Variants in RAD51AP2 observed in about 807,000 individuals in gnomAD.
The protein encoded by RAD51AP2 is RAD51 associated protein 2, also known as RAD51-associated protein 2.
RAD51AP2 carries 67 observed loss-of-function variants against 85.5 expected under a neutral mutation model. That is an observed-to-expected ratio of 0.78 (90% CI 0.64 to 0.96). The LOEUF is 0.96. Among genes scored for constraint, RAD51AP2 ranks in the 40% least tolerant of loss-of-function variants. The pLI, the probability that RAD51AP2 is intolerant of heterozygous loss-of-function variation, is 0.00. For missense variants in RAD51AP2, 1,307 were observed against 1,332.4 expected (o/e 0.98, Z 0.30); for synonymous variants, 474 against 446.5 (o/e 1.06, Z -0.78).
At chr2:17,536,420 A>G in the RAD51AP2 span, among the ~76,000 whole-genome samples, 3,682 of 152,326 alleles carry the variant, frequency 0.024, 44 homozygotes, top group Middle Eastern at 0.054. Context: ...GCCACTAACG[A>G]TAATGGTAAA....
At chr2:17,527,314 G>A in the RAD51AP2 span, among the ~76,000 whole-genome samples, 1 of 152,134 alleles carries the variant, frequency 6.6e-6, no homozygotes. Context: ...AAAAGGATGA[G>A]AGGAGGGAAA....
upstream of RAD51AP2, among the ~76,000 whole-genome samples, chr2:17,523,423 T>A (rs970026224): frequency 6.6e-6 from 1 of 151,644 alleles, no homozygotes; most frequent in South Asian, 2.1e-4. Context: ...AGATCAGAGC[T>A]TTTTTTTCTA....
chr2:17,532,828 G>A, the RAD51AP2 span, among the ~76,000 whole-genome samples: 3 of 152,206 alleles, frequency 2.0e-5, no homozygotes, highest in African/African-American at 7.2e-5. Flanking sequence ...AATTTAGCCA[G>A]CATGCATATA....
intron 2 of RAD51AP2, among the ~76,000 whole-genome samples, chr2:17,511,689 C>A (rs191496492): frequency 1.3e-5 from 2 of 152,074 alleles, no homozygotes; most frequent in East Asian, 3.9e-4. Flanking sequence ...GCCTGTTATA[C>A]TAAAAACAGT....
At chr2:17,519,988 G>C (rs1662821913), upstream of RAD51AP2, among the ~76,000 whole-genome samples, 1 of 152,104 alleles carries the variant, frequency 6.6e-6, no homozygotes, top group Non-Finnish European at 1.5e-5. Context: ...TCTGTAACTT[G>C]ATATTTGATT....
intron 1 of RAD51AP2, among the ~76,000 whole-genome samples, chr2:17,514,362 G>A (rs1050872356): frequency 6.6e-6 from 1 of 152,172 alleles, no homozygotes. Flanking sequence ...GTGAAGCTGT[G>A]TCAAAGTTCA....
chr2:17,537,497 T>A, the RAD51AP2 span, among the ~76,000 whole-genome samples: 1 of 152,356 alleles, frequency 6.6e-6, no homozygotes, highest in Non-Finnish European at 1.5e-5. Flanking sequence ...AATTCCGGTC[T>A]CTTTTCATTT....
At position 17,518,437 on chromosome 2, in the gene RAD51AP2, GTCC is replaced by G; in HGVS notation, c.-25_-23del. The stretch of plus-strand genomic sequence containing the variant: ...ACATGACAGCGAATGGAAAGGATCT[GTCC>G]GAGTCCCGGCGGGGCTCCAATCCCT... On this transcript the variant is annotated 5_prime_UTR_variant, in exon 1 of 3. Transcript: ENST00000399080. 1 of 1,597,346 alleles carries G rather than the reference GTCC, an allele frequency of 6.3e-7. No individual in the cohort carries two copies. Among genetic ancestry groups the G allele is most frequent in the Non-Finnish European group, 8.5e-7 (1 of 1,173,490 alleles).
chr2:17,522,241 A>T (rs1016885027), upstream of RAD51AP2, among the ~76,000 whole-genome samples: 2 of 151,612 alleles, frequency 1.3e-5, no homozygotes, highest in South Asian at 4.2e-4. Flanking sequence ...TTCCACATCT[A>T]CTCCCACAAC....
Position 17,515,546 on chromosome 2 carries a change from G to A in RAD51AP2, c.2870C>T (p.Thr957Ile), listed in dbSNP as rs967495968. 4 of 1,609,200 alleles carry A rather than the reference G, an allele frequency of 2.5e-6. No homozygotes were observed. The African/African-American group carries it at 4.0e-5, about 16-fold the overall frequency. ...CTTCATCTCAAAATCTTTTACTATTGTCAGAGCTTCTGTTGATAAATATTT... is the reference window on the plus strand; with the variant it reads ...CTTCATCTCAAAATCTTTTACTATTATCAGAGCTTCTGTTGATAAATATTT... ...AAKYLSTEAL[T>I]IVKDFEMKRK... The change falls in exon 1 of 3, where the codon ACA becomes ATA. Residue 957 changes from threonine (T) to isoleucine (I), a missense_variant. Physicochemically the swap from Thr to Ile is moderately conservative, Grantham distance 89. Around this residue, in one of 3 missense-constraint regions of RAD51AP2, gnomAD observed 668 missense variants for 671.0 expected, o/e 1.00. Transcript: ENST00000399080.
the RAD51AP2 span, among the ~76,000 whole-genome samples, chr2:17,534,534 T>C: frequency 6.6e-6 from 1 of 152,144 alleles, no homozygotes; most frequent in Non-Finnish European, 1.5e-5. Flanking sequence ...AGCATTACAA[T>C]ATGGCCTTTC....
At chr2:17,535,701 A>T in the RAD51AP2 span, among the ~76,000 whole-genome samples, 2,986 of 152,182 alleles carry the variant, frequency 0.02, 75 homozygotes, top group Non-Finnish European at 0.023. Flanking sequence ...GCACAGGGGG[A>T]AGAACAGATC....
chr2:17,523,894 A>G, the RAD51AP2 span, among the ~76,000 whole-genome samples: 9 of 151,948 alleles, frequency 5.9e-5, no homozygotes, highest in African/African-American at 1.2e-4. Flanking sequence ...TCATTGAATC[A>G]TAATATAATC....
rs374703844 is a variant in RAD51AP2, at chr2:17,517,029, C to A, written c.1387G>T (p.Val463Leu). 2 of 1,604,658 alleles carry A rather than the reference C, an allele frequency of 1.2e-6. No homozygotes were observed. Among genetic ancestry groups the A allele is most frequent in the South Asian group, 2.3e-5 (2 of 88,014 alleles). The change falls in exon 1 of 3, where the codon GTA (valine) becomes TTA (leucine). Residue 463 changes from valine to leucine, a missense_variant. Transcript: ENST00000399080. ...NAYEEQSKLL[V>L]REILGSQTAL... ...GTCTGACTACCTAATATTTCTCTTACGAGAAGCTTTGATTGTTCTTCATAT... is the reference window on the plus strand; with the variant it reads ...GTCTGACTACCTAATATTTCTCTTAAGAGAAGCTTTGATTGTTCTTCATAT...
At chr2:17,528,221 C>A in the RAD51AP2 span, among the ~76,000 whole-genome samples, 1 of 152,104 alleles carries the variant, frequency 6.6e-6, no homozygotes, top group East Asian at 1.9e-4. Flanking sequence ...AAAATTTTTA[C>A]TCAGGTTTGT....
In RAD51AP2 at chr2:17,515,254, G is replaced by A; in HGVS notation, c.3162C>T (p.Pro1054=). Residue 1054 remains proline, a synonymous_variant, in exon 1 of 3, where the codon CCC becomes CCT. Coordinates refer to ENST00000399080, the MANE Select transcript of RAD51AP2 (RefSeq NM_001099218.3). ...TAGGAACTTCCTGTTCTCCATTATTGGGTACAGTTTTCCATTTAAATAAAC... is the reference window on the plus strand; with the variant it reads ...TAGGAACTTCCTGTTCTCCATTATTAGGTACAGTTTTCCATTTAAATAAAC... The part of the protein sequence containing the change: ...HQSLFKWKTV[P]NNGEQEVPNE... The A allele has an allele frequency of 1.2e-6, 2 of 1,612,834 alleles. No homozygotes were observed. Among genetic ancestry groups the A allele is most frequent in the Non-Finnish European group, 1.7e-6 (2 of 1,179,204 alleles).
At chr2:17,532,394 T>C in the RAD51AP2 span, among the ~76,000 whole-genome samples, 1 of 152,190 alleles carries the variant, frequency 6.6e-6, no homozygotes, top group Non-Finnish European at 1.5e-5. Flanking sequence ...TTTGCCCCTG[T>C]AGTCACGCAG....
the RAD51AP2 span, among the ~76,000 whole-genome samples, chr2:17,525,972 T>C: frequency 1.3e-5 from 2 of 152,080 alleles, no homozygotes; most frequent in South Asian, 4.1e-4. Flanking sequence ...AACATACATA[T>C]ATGACCCTTC....
chr2:17,521,892 A>G (rs1405995342), upstream of RAD51AP2, among the ~76,000 whole-genome samples: 1 of 151,908 alleles, frequency 6.6e-6, no homozygotes, highest in African/African-American at 2.4e-5. Context: ...CTACTTCCCA[A>G]AATGCATCCC....
Sources: gnomAD v4.1 joint callset for allele counts (sites outside exome capture counted in the v4.1 genomes callset) on GRCh38, gnomAD v4.1.1 for gene constraint, gnomAD v4.1.1 regional missense constraint, MANE v1.5 for transcripts, NCBI Gene and HGNC (gene_info 2026-07-23, HGNC 2026-07-21) for gene names.